DLG2: variants seen among roughly 807,000 people sequenced by gnomAD.
DLG2 encodes disks large homolog 2.
In DLG2, 45 loss-of-function variants were observed where a neutral mutation model predicts 132.5. That is an observed-to-expected ratio of 0.34 (90% CI 0.27 to 0.44). The LOEUF (loss-of-function observed/expected upper bound fraction) is 0.44. Among genes scored for constraint, DLG2 ranks in the 20% least tolerant of loss-of-function variants. The pLI, the probability that DLG2 is intolerant of heterozygous loss-of-function variation, is 1.00. For synonymous variants in DLG2, 424 were observed against 419.6 expected (o/e 1.01, Z -0.13); for missense variants, 1,045 against 1,196.9 (o/e 0.87, Z 1.87).
chr11:84,099,753 A>G (rs1187985065), intron 9 of DLG2, among the ~76,000 whole-genome samples: 1 of 147,210 alleles, frequency 6.8e-6, no homozygotes, highest in Admixed American at 6.9e-5. Context: ...ATATATATAC[A>G]TATATACATA....
At chr11:85,228,486 T>G (rs185529938) in intron 4 of DLG2, among the ~76,000 whole-genome samples, 1 of 152,238 alleles carries the variant, frequency 6.6e-6, no homozygotes, top group African/African-American at 2.4e-5. Context: ...AGCTCAGATT[T>G]AATCTTTTTA....
intron 12 of DLG2, among the ~76,000 whole-genome samples, chr11:83,972,471 T>C (rs1565864751): frequency 6.6e-6 from 1 of 152,140 alleles, no homozygotes. Context: ...GGGCTCTTTA[T>C]GTAGAAATTA....
intron 10 of DLG2, among the ~76,000 whole-genome samples, chr11:84,093,440 C>A (rs557913733): frequency 1.3e-3 from 200 of 152,234 alleles, no homozygotes; most frequent in African/African-American, 4.7e-3. Flanking sequence ...CTTCTGCCAC[C>A]AGCCTGAGAA....
At chr11:83,894,256 C>G (rs1237689842) in intron 15 of DLG2, among the ~76,000 whole-genome samples, 1 of 152,042 alleles carries the variant, frequency 6.6e-6, no homozygotes, top group East Asian at 1.9e-4. Context: ...AAGCCCAGTT[C>G]CTGTTACTAA....
chr11:85,309,429 CA>C (rs34393401), intron 3 of DLG2, among the ~76,000 whole-genome samples: 51 of 143,412 alleles, frequency 3.6e-4, no homozygotes, highest in Admixed American at 7.6e-4. Flanking sequence ...GGTTTTCTAC[CA>C]AAAAAAAAAA....
chr11:85,399,141 C>A (rs1005569624), intron 3 of DLG2, among the ~76,000 whole-genome samples: 5 of 152,066 alleles, frequency 3.3e-5, no homozygotes, highest in African/African-American at 1.2e-4. Context: ...CAATAACAGA[C>A]AAACAGAGAG....
At chr11:84,448,851 C>A (rs1002079928) in intron 7 of DLG2, among the ~76,000 whole-genome samples, 2 of 151,982 alleles carry the variant, frequency 1.3e-5, no homozygotes, top group Non-Finnish European at 2.9e-5. Context: ...GTCCTCCACA[C>A]GTGGTAGGTA....
chr11:83,583,801 G>A (rs1302873985), intron 19 of DLG2, among the ~76,000 whole-genome samples: 1 of 152,070 alleles, frequency 6.6e-6, no homozygotes, highest in Non-Finnish European at 1.5e-5. Flanking sequence ...AGTAATGAAT[G>A]AACACTTTAT....
chr11:83,940,299 C>A (rs2154138078), intron 14 of DLG2, among the ~76,000 whole-genome samples: 1 of 152,300 alleles, frequency 6.6e-6, no homozygotes, highest in South Asian at 2.1e-4. Context: ...TTTCTCTCTT[C>A]TTAACTCCCA....
At chr11:83,564,635 C>A (rs2096670377) in intron 19 of DLG2, among the ~76,000 whole-genome samples, 1 of 152,122 alleles carries the variant, frequency 6.6e-6, no homozygotes, top group African/African-American at 2.4e-5. Flanking sequence ...TGATAAAATT[C>A]TTTTAAGAAA....
intron 6 of DLG2, among the ~76,000 whole-genome samples, chr11:84,782,968 A>T (rs919436990): frequency 2.0e-5 from 3 of 152,096 alleles, no homozygotes; most frequent in Non-Finnish European, 4.4e-5. Flanking sequence ...TGCTGTTTCA[A>T]CCTTTAGTCC....
intron 7 of DLG2, among the ~76,000 whole-genome samples, chr11:84,451,812 A>G (rs911615017): frequency 4.6e-5 from 7 of 151,836 alleles, no homozygotes; most frequent in Non-Finnish European, 8.8e-5. Context: ...AAGCAGATAA[A>G]TGGAATAAAA....
At chr11:85,548,768 C>T (rs1255871802) in intron 3 of DLG2, among the ~76,000 whole-genome samples, 3 of 152,136 alleles carry the variant, frequency 2.0e-5, no homozygotes, top group Non-Finnish European at 4.4e-5. Context: ...TTTGAACTTC[C>T]CAGTGTCTTT....
At chr11:83,461,014 T>G (rs924843379) in intron 27 of DLG2, among the ~76,000 whole-genome samples, 15 of 148,182 alleles carry the variant, frequency 1.0e-4, no homozygotes, top group African/African-American at 3.0e-4. Flanking sequence ...TTTTTTTTTT[T>G]TTTTTTTTTT....
chr11:85,450,255 A>G (rs909561311), intron 3 of DLG2, among the ~76,000 whole-genome samples: 2 of 152,176 alleles, frequency 1.3e-5, no homozygotes, highest in Admixed American at 1.3e-4. Context: ...CCTTCTTGCC[A>G]AGTTGTCTTG....
chr11:85,154,124 CTT>C (rs1180387305), intron 5 of DLG2, among the ~76,000 whole-genome samples: 1 of 118,462 alleles, frequency 8.4e-6, no homozygotes, highest in Middle Eastern at 4.8e-3. Flanking sequence ...CCCTCCCTCT[CTT>C]CTTTTGGAGA....
At chr11:83,658,285 TAG>T (rs1310033401) in intron 18 of DLG2, among the ~76,000 whole-genome samples, 1 of 152,232 alleles carries the variant, frequency 6.6e-6, no homozygotes, top group Non-Finnish European at 1.5e-5. Flanking sequence ...AACAAATATA[TAG>T]AGACTTTATT....
At chr11:84,521,890 G>A (rs117258794) in intron 7 of DLG2, among the ~76,000 whole-genome samples, 5,804 of 152,288 alleles carry the variant, frequency 0.038, 162 homozygotes, top group Middle Eastern at 0.065. Flanking sequence ...GCTGGGCATG[G>A]TGGCTCAAGC....
intron 4 of DLG2, among the ~76,000 whole-genome samples, chr11:85,167,533 C>T (rs898722854): frequency 6.6e-6 from 1 of 152,060 alleles, no homozygotes; most frequent in Admixed American, 6.6e-5. Context: ...CCTCCTAATA[C>T]CCAGAGGGAA....
Sources: allele counts gnomAD v4.1 joint callset (sites outside exome capture counted in the v4.1 genomes callset), GRCh38; gene constraint gnomAD v4.1.1; transcripts MANE v1.5; gene names NCBI Gene and HGNC (gene_info 2026-07-23, HGNC 2026-07-21).